ABCC4: variants seen among roughly 807,000 people sequenced by gnomAD.
ABCC4 encodes the protein ATP-binding cassette sub-family C member 4.
In ABCC4, 102 loss-of-function variants were observed where a neutral mutation model predicts 168.5. The observed-to-expected ratio is 0.61, with a 90% CI of 0.52 to 0.71. The LOEUF is 0.71. ABCC4 is among the 30% of genes least tolerant of loss of function. ABCC4 has a pLI of 0.00. For synonymous variants in ABCC4, 617 were observed against 590.7 expected, an observed-to-expected ratio of 1.04 and a Z score of -0.65; for missense variants, 1,402 against 1,605.8, an observed-to-expected ratio of 0.87 and a Z score of 2.17.
At position 95,172,572 on chromosome 13, in the gene ABCC4, G is replaced by GAA. The variant is rs56278771; in HGVS notation, c.1728-1946_1728-1945dup. ...CAGAGCGAGACTCTGCCTCAAAAAG[G>GAA]AAAAAAAAAAAAAAAAGACAACATT... On this transcript the variant is annotated intron_variant, in intron 13 of 30. Coordinates refer to ENST00000645237, the MANE Select transcript of ABCC4 (RefSeq NM_005845.5). 9.3e-3 allele frequency among the ~76,000 whole-genome samples: 1,161 copies of GAA among 124,646 alleles called. 18 individuals carry two copies. The highest frequency in any genetic ancestry group is 0.048 in the East Asian group (201 of 4,224). 81.8% of individuals were successfully genotyped at this position (124,646 alleles called of 152,430 possible).
At chr13:95,039,582 C>T (rs1330280974) in intron 29 of ABCC4, among the ~76,000 whole-genome samples, 1 of 152,130 alleles carries the variant, frequency 6.6e-6, no homozygotes, top group Admixed American at 6.5e-5. Context: ...TCCAGCAATG[C>T]AAACCTCAAA....
chr13:95,196,180 T>A (rs1477344739), intron 8 of ABCC4, among the ~76,000 whole-genome samples: 1 of 148,662 alleles, frequency 6.7e-6, no homozygotes, highest in African/African-American at 2.4e-5. Flanking sequence ...ATAAACAACC[T>A]AGATCACCCC....
At chr13:95,052,997 A>C in intron 27 of ABCC4, 98 bp downstream of exon 27, 47 of 1,056,876 alleles carry the variant, frequency 4.4e-5, no homozygotes, top group Non-Finnish European at 6.1e-5. Flanking sequence ...AAAGTTAGTT[A>C]AACCGCTAAG....
At chr13:95,262,084 C>T (rs903803719) in intron 1 of ABCC4, among the ~76,000 whole-genome samples, 1 of 152,172 alleles carries the variant, frequency 6.6e-6, no homozygotes, top group East Asian at 1.9e-4. Context: ...GTTGGGAGGC[C>T]AGCCTAGGGC....
At chr13:95,280,843 C>T (rs1307554605) in intron 1 of ABCC4, among the ~76,000 whole-genome samples, 2 of 152,022 alleles carry the variant, frequency 1.3e-5, no homozygotes, top group Non-Finnish European at 2.9e-5. Context: ...AAAATCCACT[C>T]GAGAGAGACA....
chr13:95,162,325 AC>A (rs1566478603), intron 18 of ABCC4, among the ~76,000 whole-genome samples: 2 of 152,232 alleles, frequency 1.3e-5, no homozygotes, highest in African/African-American at 2.4e-5. Flanking sequence ...GTAGGTTCTT[AC>A]AAAGATAACT....
chr13:95,261,015 A>T (rs16950847), intron 1 of ABCC4, among the ~76,000 whole-genome samples: 11,203 of 151,792 alleles, frequency 0.074, 916 homozygotes, highest in African/African-American at 0.2. Flanking sequence ...AAAATTCCAC[A>T]TCCTATTTCT....
At chr13:95,141,164 T>C (rs955642979) in intron 19 of ABCC4, among the ~76,000 whole-genome samples, 16 of 152,170 alleles carry the variant, frequency 1.1e-4, no homozygotes, top group African/African-American at 3.9e-4. Flanking sequence ...AAATTGCAAA[T>C]ATTTTCACCA....
intron 1 of ABCC4, among the ~76,000 whole-genome samples, chr13:95,285,887 T>A (rs969111303): frequency 6.6e-6 from 1 of 152,090 alleles, no homozygotes; most frequent in Non-Finnish European, 1.5e-5. Context: ...AAGCCTGCAG[T>A]GTATTGACTG....
In ABCC4 at chr13:95,115,830, G is replaced by A. The variant is rs573419902; in HGVS notation, c.2535+92C>T. 221 of 990,170 alleles carry A rather than the reference G, an allele frequency of 2.2e-4. 1 individual carries two copies. The South Asian group carries it at 2.9e-3, about 13-fold the overall frequency. The allele number at this position is 990,170 out of a possible 1,614,324, so 61.3% of individuals were successfully genotyped here. ...AGTTAACATTACACACAGCCAGGCC[G>A]AGAGTCCCACCCCCAGACCCCATGA... On this transcript the variant is annotated intron_variant, in intron 20 of 30. Coordinates refer to ENST00000645237, the MANE Select transcript of ABCC4 (RefSeq NM_005845.5).
intron 20 of ABCC4, among the ~76,000 whole-genome samples, chr13:95,112,596 C>T (rs1285079243): frequency 6.6e-6 from 1 of 152,118 alleles, no homozygotes; most frequent in Non-Finnish European, 1.5e-5. Flanking sequence ...GAATACCATC[C>T]GTAGTTGGTT....
chr13:95,218,921 A>AAGAGAGAGAG (rs1289387063), intron 4 of ABCC4, among the ~76,000 whole-genome samples: 10 of 24,782 alleles, frequency 4.0e-4, no homozygotes, highest in East Asian at 2.0e-3. Flanking sequence ...GAGAGAGAGA[A>AAGAGAGAGAG]AGAAAGAGAA....
chr13:95,081,457 C>T (rs1215899626), intron 21 of ABCC4, among the ~76,000 whole-genome samples: 2 of 152,324 alleles, frequency 1.3e-5, no homozygotes, highest in African/African-American at 2.4e-5. Flanking sequence ...ACACACAACA[C>T]TGGCTAGGGC....
chr13:95,214,227 C>T (rs1367040908), intron 4 of ABCC4, among the ~76,000 whole-genome samples: 1 of 151,914 alleles, frequency 6.6e-6, no homozygotes, highest in Non-Finnish European at 1.5e-5. Context: ...CTATAGTTTA[C>T]AACTGAAATC....
At chr13:95,169,796 T>C (rs968221210) in intron 14 of ABCC4, among the ~76,000 whole-genome samples, 1 of 152,194 alleles carries the variant, frequency 6.6e-6, no homozygotes, top group African/African-American at 2.4e-5. Flanking sequence ...TCCAGGAAAG[T>C]GGGTGCTGTG....
chr13:95,202,821 T>A lies in ABCC4; in HGVS notation c.1161+3711A>T, dbSNP rs554038997. On this transcript the variant is annotated intron_variant, in intron 8 of 30. Transcript: ENST00000645237. ...GTGCCACCATGCCCAGCTGATTTTG[T>A]TGTTGTTGTTTTATTTTTTGCAGAG... is the stretch of plus-strand genomic sequence containing the variant. 3.3e-5 allele frequency among the ~76,000 whole-genome samples: 5 copies of A among 151,402 alleles called. No individual in the cohort carries two copies. In the East Asian group the frequency reaches 9.8e-4, roughly 30 times the overall value.
At chr13:95,216,608 C>CAAAAAA (rs199711816) in intron 4 of ABCC4, among the ~76,000 whole-genome samples, 7 of 125,540 alleles carry the variant, frequency 5.6e-5, no homozygotes, top group African/African-American at 2.2e-4. Context: ...AGGAAATTCA[C>CAAAAAA]AAAAAAAAAA....
chr13:95,294,853 C>A (rs1367047384), intron 1 of ABCC4, among the ~76,000 whole-genome samples: 1 of 152,002 alleles, frequency 6.6e-6, no homozygotes, highest in East Asian at 1.9e-4. Context: ...ATTTGGGAGG[C>A]TGAGACAGGA....
At chr13:95,207,591 G>C (rs530108323) in intron 7 of ABCC4, among the ~76,000 whole-genome samples, 1 of 152,272 alleles carries the variant, frequency 6.6e-6, no homozygotes, top group East Asian at 1.9e-4. Context: ...AAGCATACAT[G>C]CTTTCTGTTT....
Sources: allele counts gnomAD v4.1 joint callset (sites outside exome capture counted in the v4.1 genomes callset), GRCh38; gene constraint gnomAD v4.1.1; transcripts MANE v1.5; gene names NCBI Gene and HGNC (gene_info 2026-07-23, HGNC 2026-07-21).